Variants in PPM1H observed in about 807,000 individuals in gnomAD.
PPM1H encodes the protein protein phosphatase, Mg2+/Mn2+ dependent 1H, also known as protein phosphatase 1H.
A neutral mutation model predicts 54.9 loss-of-function variants in PPM1H; 27 were observed. The observed-to-expected ratio is 0.49, with a 90% CI of 0.36 to 0.68. PPM1H has a LOEUF of 0.68. PPM1H is among the 30% of genes least tolerant of loss of function. The probability of loss-of-function intolerance (pLI) is 0.00; values close to 1 mark genes in which losing one functional copy is unlikely to be tolerated. For missense variants in PPM1H, 596 were observed against 667.8 expected (o/e 0.89, Z 1.19); for synonymous variants, 305 against 270.8 (o/e 1.13, Z -1.24).
intron 1 of PPM1H, among the ~76,000 whole-genome samples, chr12:62,834,289 C>G (rs913451786): frequency 4.6e-5 from 7 of 152,092 alleles, no homozygotes; most frequent in African/African-American, 1.7e-4. Flanking sequence ...TTTCCTCTTT[C>G]CTCTAAGGAA....
chr12:62,776,058 C>A (rs998094526), intron 4 of PPM1H, among the ~76,000 whole-genome samples: 6 of 152,126 alleles, frequency 3.9e-5, no homozygotes, highest in Non-Finnish European at 7.3e-5. Context: ...TATCAGACCA[C>A]ACGAGACTTA....
intron 9 of PPM1H, chr12:62,659,007 A>C (rs961033393): frequency 3.3e-5 from 24 of 722,940 alleles, no homozygotes; most frequent in Non-Finnish European, 5.1e-5. Flanking sequence ...TATGGGAGCA[A>C]CAGAAAAACA....
At chr12:62,667,856 A>G (rs1337107421) in intron 8 of PPM1H, among the ~76,000 whole-genome samples, 4 of 152,174 alleles carry the variant, frequency 2.6e-5, no homozygotes, top group African/African-American at 9.7e-5. Flanking sequence ...TTTGTCTAGG[A>G]GTAACGAGAC....
At chr12:62,751,972 C>T (rs1437246946) in intron 4 of PPM1H, among the ~76,000 whole-genome samples, 11 of 152,184 alleles carry the variant, frequency 7.2e-5, no homozygotes, top group Admixed American at 5.2e-4. Flanking sequence ...AACAGTTACC[C>T]GGTGTCAGTT....
chr12:62,669,858 G>A (rs1394572199), intron 8 of PPM1H, among the ~76,000 whole-genome samples: 4 of 149,644 alleles, frequency 2.7e-5, no homozygotes, highest in Admixed American at 6.7e-5. Flanking sequence ...AGAATTGCTT[G>A]AACCCAGGAT....
intron 4 of PPM1H, among the ~76,000 whole-genome samples, chr12:62,760,714 A>T (rs1219043746): frequency 1.3e-5 from 2 of 152,142 alleles, no homozygotes; most frequent in East Asian, 3.8e-4. Flanking sequence ...CCAATATCTA[A>T]CTCTGTCCTA....
chr12:62,821,060 T>C (rs1194009519), intron 2 of PPM1H, among the ~76,000 whole-genome samples: 1 of 151,988 alleles, frequency 6.6e-6, no homozygotes, highest in Non-Finnish European at 1.5e-5. Flanking sequence ...GAATAAACAG[T>C]GTAGAGAAGA....
At chr12:62,892,939 C>T (rs1870851411) in intron 1 of PPM1H, among the ~76,000 whole-genome samples, 1 of 152,136 alleles carries the variant, frequency 6.6e-6, no homozygotes, top group Non-Finnish European at 1.5e-5. Context: ...AAACAAAGTC[C>T]TGGTCCCTCA....
intron 9 of PPM1H, among the ~76,000 whole-genome samples, chr12:62,661,383 C>T (rs926899345): frequency 6.6e-6 from 1 of 152,034 alleles, no homozygotes; most frequent in Non-Finnish European, 1.5e-5. Flanking sequence ...AAGAAGAAAA[C>T]CTTGACTCTT....
At chr12:62,755,754 C>T in intron 4 of PPM1H, 1 of 901,202 alleles carries the variant, frequency 1.1e-6, no homozygotes, top group East Asian at 2.4e-5. Context: ...TCATGAATGA[C>T]CACAGTCCAT....
chr12:62,791,209 C>T (rs1021099541), intron 3 of PPM1H, among the ~76,000 whole-genome samples: 1 of 152,110 alleles, frequency 6.6e-6, no homozygotes, highest in African/African-American at 2.4e-5. Flanking sequence ...ACCCATGCTT[C>T]AATTAAAATG....
chr12:62,674,828 A>G lies in PPM1H; in HGVS notation c.1246-7499T>C, dbSNP rs115700400. Among the ~76,000 whole-genome samples the G allele has an allele frequency of 8.9e-3, 1,359 of 152,266 alleles. 23 individuals carry two copies. Among genetic ancestry groups the G allele is most frequent in the African/African-American group, 0.031 (1,297 of 41,534 alleles). On this transcript the variant is annotated intron_variant, in intron 8 of 9. Transcript: ENST00000228705. ...AGGGCTGGTGTGTTTGGGCAGCTTT[A>G]CCTTGCTTGGTTTGGCTGTGGTACT...
intron 1 of PPM1H, among the ~76,000 whole-genome samples, chr12:62,885,576 C>T (rs906676963): frequency 2.0e-5 from 3 of 152,146 alleles, no homozygotes; most frequent in Non-Finnish European, 4.4e-5. Context: ...TGCCCACACT[C>T]AAGGGGATTA....
chr12:62,801,154 C>T (rs1476724439), intron 3 of PPM1H, among the ~76,000 whole-genome samples: 7 of 152,186 alleles, frequency 4.6e-5, no homozygotes, highest in African/African-American at 1.7e-4. Context: ...CCCTGTTTCC[C>T]CCAACACCGG....
At chr12:62,683,075 A>ATTATTG (rs1555188747) in intron 8 of PPM1H, among the ~76,000 whole-genome samples, 211 of 118,380 alleles carry the variant, frequency 1.8e-3, no homozygotes, top group Non-Finnish European at 3.0e-3. Flanking sequence ...TATTATTATT[A>ATTATTG]TTATTATTAT....
Position 62,786,772 on chromosome 12 carries a change from T to C in PPM1H, c.869+1454A>G, listed in dbSNP as rs537655259. 3.9e-5 allele frequency among the ~76,000 whole-genome samples: 6 copies of C among 152,300 alleles called. No homozygotes were observed. The South Asian group carries it at 8.3e-4, about 21-fold the overall frequency. ...GGGAATGGCAGCCATGGGGTAAACA[T>C]AGATAGCATCTTACACATACTTCCA... On this transcript the variant is annotated intron_variant, in intron 4 of 9. Coordinates refer to ENST00000228705, the MANE Select transcript of PPM1H (RefSeq NM_020700.2).
At chr12:62,808,112 A>T (rs1471180811) in intron 2 of PPM1H, among the ~76,000 whole-genome samples, 1 of 152,214 alleles carries the variant, frequency 6.6e-6, no homozygotes. Flanking sequence ...GATTACAGGT[A>T]TGAGCCACCG....
intron 9 of PPM1H, among the ~76,000 whole-genome samples, chr12:62,665,627 T>C (rs2075913664): frequency 6.6e-6 from 1 of 152,258 alleles, no homozygotes; most frequent in African/African-American, 2.4e-5. Context: ...TTTAATTCAG[T>C]GAATTTTTAA....
chr12:62,852,586 A>G (rs1020060905), intron 1 of PPM1H, among the ~76,000 whole-genome samples: 2 of 152,258 alleles, frequency 1.3e-5, no homozygotes, highest in African/African-American at 4.8e-5. Flanking sequence ...AGAGGAATTG[A>G]TAATTGGAAA....
Sources: gnomAD v4.1 joint callset for allele counts (sites outside exome capture counted in the v4.1 genomes callset) on GRCh38, gnomAD v4.1.1 for gene constraint, MANE v1.5 for transcripts, NCBI Gene and HGNC (gene_info 2026-07-23, HGNC 2026-07-21) for gene names.